Variants in CADPS2 observed in about 807,000 individuals in gnomAD.
The protein encoded by CADPS2 is calcium-dependent secretion activator 2.
In CADPS2, 93 loss-of-function variants were observed where a neutral mutation model predicts 172.5. The observed-to-expected ratio is 0.54, with a 90% CI of 0.46 to 0.64. The LOEUF is 0.64. CADPS2 is among the 30% of genes least tolerant of loss of function. CADPS2 has a pLI of 0.00. For missense variants in CADPS2, 1,420 were observed against 1,565.9 expected (o/e 0.91, Z 1.57); for synonymous variants, 546 against 555.2 (o/e 0.98, Z 0.23).
At chr7:122,542,186 TTAAG>T (rs1360109346) in intron 8 of CADPS2, among the ~76,000 whole-genome samples, 1 of 151,826 alleles carries the variant, frequency 6.6e-6, no homozygotes, top group Admixed American at 6.6e-5. Context: ...CACAGGGAGG[TTAAG>T]TAACTTGCCT....
intron 25 of CADPS2, 148 bp downstream of exon 25, chr7:122,379,220 G>A (rs2042709356): frequency 2.0e-6 from 1 of 510,904 alleles, no homozygotes; most frequent in Non-Finnish European, 3.4e-6. Context: ...ACCTTTTTTT[G>A]CTCCCAACTT....
intron 24 of CADPS2, 118 bp downstream of exon 24, chr7:122,386,908 G>T: frequency 1.0e-6 from 1 of 990,850 alleles, no homozygotes; most frequent in Non-Finnish European, 1.5e-6. Flanking sequence ...AAGATCAAAC[G>T]TTTGGTGCTA....
chr7:122,515,998 A>G (rs1272912140), intron 8 of CADPS2, among the ~76,000 whole-genome samples: 1 of 152,136 alleles, frequency 6.6e-6, no homozygotes, highest in Admixed American at 6.6e-5. Flanking sequence ...ATGACAGATT[A>G]ACAAAATTGG....
intron 28 of CADPS2, among the ~76,000 whole-genome samples, chr7:122,328,132 G>GACACACAC (rs71159790): frequency 0.34 from 49,734 of 145,400 alleles, 8,430 homozygotes; most frequent in East Asian, 0.44. Flanking sequence ...GTAAAATGCA[G>GACACACAC]ACACACACAC....
chr7:122,709,975 T>C (rs137924854), intron 2 of CADPS2, among the ~76,000 whole-genome samples: 1 of 149,662 alleles, frequency 6.7e-6, no homozygotes, highest in African/African-American at 2.5e-5. Context: ...AGTTAATGGG[T>C]GCAGCACACC....
In CADPS2 at chr7:122,729,816, TGAG is replaced by T. The variant is rs1165682172; in HGVS notation, c.453+7136_453+7138del. Among the ~76,000 whole-genome samples, 6 of 151,668 alleles carry T rather than the reference TGAG, an allele frequency of 4.0e-5. No homozygotes were observed. The East Asian group carries it at 9.7e-4, about 25-fold the overall frequency. ...GAGTTGCACCAACATAATCAGCTCTTGAGGAGAACCTAAATCACAGAGGTACTA... is the reference window on the plus strand; with the variant it reads ...GAGTTGCACCAACATAATCAGCTCTTGAGAACCTAAATCACAGAGGTACTA... On this transcript the variant is annotated intron_variant, in intron 2 of 29. Transcript: ENST00000449022.
At chr7:122,638,719 T>A (rs1464047042) in intron 3 of CADPS2, among the ~76,000 whole-genome samples, 1 of 152,164 alleles carries the variant, frequency 6.6e-6, no homozygotes, top group African/African-American at 2.4e-5. Flanking sequence ...GAAGTATGGA[T>A]CCCCTGAGGA....
At chr7:122,341,000 GA>G in intron 28 of CADPS2, among the ~76,000 whole-genome samples, 1 of 152,004 alleles carries the variant, frequency 6.6e-6, no homozygotes, top group Non-Finnish European at 1.5e-5. Context: ...TTTAAAATTG[GA>G]AAAGTAAATG....
At chr7:122,795,311 C>G (rs1020645077) in intron 1 of CADPS2, among the ~76,000 whole-genome samples, 1 of 152,100 alleles carries the variant, frequency 6.6e-6, no homozygotes, top group African/African-American at 2.4e-5. Flanking sequence ...AAACAACCAT[C>G]AGAGAATATC....
At chr7:122,661,202 G>A (rs542154596) in intron 3 of CADPS2, among the ~76,000 whole-genome samples, 1 of 152,238 alleles carries the variant, frequency 6.6e-6, no homozygotes, top group African/African-American at 2.4e-5. Context: ...AAATATATGA[G>A]ACAAATACTG....
chr7:122,537,004 A>G (rs1222777825), intron 8 of CADPS2, among the ~76,000 whole-genome samples: 5 of 152,062 alleles, frequency 3.3e-5, no homozygotes, highest in Non-Finnish European at 7.4e-5. Context: ...AGAAGACCAC[A>G]TACTGAGACT....
chr7:122,361,244 T>A (rs1371687319), intron 25 of CADPS2, among the ~76,000 whole-genome samples: 2 of 139,318 alleles, frequency 1.4e-5, no homozygotes, highest in East Asian at 3.9e-4. Flanking sequence ...TTTTTTTTTT[T>A]TTAAAATGAG....
intron 3 of CADPS2, among the ~76,000 whole-genome samples, chr7:122,642,470 T>C (rs547995283): frequency 6.6e-6 from 1 of 151,894 alleles, no homozygotes; most frequent in African/African-American, 2.4e-5. Context: ...ACTGGAAGCC[T>C]GTGCTGGCAG....
At chr7:122,702,409 A>G (rs1299720548) in intron 2 of CADPS2, 2 of 1,613,586 alleles carry the variant, frequency 1.2e-6, no homozygotes, top group Non-Finnish European at 1.7e-6. Context: ...CGTTGATTTT[A>G]TGTGTAAAAG....
At chr7:122,875,723 A>G (rs1473928802) in intron 1 of CADPS2, among the ~76,000 whole-genome samples, 2 of 152,200 alleles carry the variant, frequency 1.3e-5, no homozygotes, top group Non-Finnish European at 2.9e-5. Flanking sequence ...AAAAAAGTAA[A>G]ATCTGAAAAG....
chr7:122,827,024 C>A (rs1805097819), intron 1 of CADPS2, among the ~76,000 whole-genome samples: 1 of 152,000 alleles, frequency 6.6e-6, no homozygotes. Flanking sequence ...TGGTAAACCT[C>A]CAGCAACAGT....
At chr7:122,348,267 C>T (rs2037990596) in intron 27 of CADPS2, among the ~76,000 whole-genome samples, 1 of 152,130 alleles carries the variant, frequency 6.6e-6, no homozygotes, top group African/African-American at 2.4e-5. Flanking sequence ...ACGGTAATTT[C>T]TTTTCTGTTT....
chr7:122,345,229 G>A (rs528587143), intron 28 of CADPS2, among the ~76,000 whole-genome samples: 4 of 152,194 alleles, frequency 2.6e-5, no homozygotes, highest in African/African-American at 4.8e-5. Context: ...CGGCTCAAGC[G>A]ATTCTTGTGC....
At chr7:122,568,749 A>C (rs553486345) in intron 7 of CADPS2, among the ~76,000 whole-genome samples, 1 of 152,320 alleles carries the variant, frequency 6.6e-6, no homozygotes, top group Admixed American at 6.5e-5. Flanking sequence ...AGAAGAAAAC[A>C]GAGGAGAATT....
Sources: allele counts gnomAD v4.1 joint callset (sites outside exome capture counted in the v4.1 genomes callset), GRCh38; gene constraint gnomAD v4.1.1; transcripts MANE v1.5; gene names NCBI Gene and HGNC (gene_info 2026-07-23, HGNC 2026-07-21).